Variants in ADK observed in about 807,000 individuals in gnomAD.
ADK encodes the protein N6,N6-dimethyladenosine kinase.
A neutral mutation model predicts 44.7 loss-of-function variants in ADK; 24 were observed. The ratio of observed to expected loss-of-function variants is 0.54; its 90% CI spans 0.39 to 0.76. The LOEUF is 0.76. ADK is among the 30% of genes least tolerant of loss of function. The pLI is 0.00. For missense variants in ADK, 321 were observed against 425.1 expected, an observed-to-expected ratio of 0.76 and a Z score of 2.15; for synonymous variants, 128 against 142.6, an observed-to-expected ratio of 0.90 and a Z score of 0.73.
At chr10:74,200,503 A>G (rs867781242) in intron 1 of ADK, among the ~76,000 whole-genome samples, 23 of 149,876 alleles carry the variant, frequency 1.5e-4, no homozygotes, top group African/African-American at 5.7e-4. Flanking sequence ...AAAAAAAAAA[A>G]TAGGTATTCT....
intron 1 of ADK, among the ~76,000 whole-genome samples, chr10:74,172,341 C>T (rs1214310783): frequency 6.6e-6 from 1 of 151,982 alleles, no homozygotes; most frequent in Non-Finnish European, 1.5e-5. Context: ...AAGTGGTCTT[C>T]CTGCCTTGGT....
chr10:74,440,872 G>T (rs999598825), intron 6 of ADK, among the ~76,000 whole-genome samples: 1 of 152,174 alleles, frequency 6.6e-6, no homozygotes, highest in Admixed American at 6.5e-5. Flanking sequence ...ATTCATTGAG[G>T]CTGCCTACTA....
At chr10:74,612,945 G>A (rs936826581) in intron 9 of ADK, among the ~76,000 whole-genome samples, 1 of 151,994 alleles carries the variant, frequency 6.6e-6, no homozygotes, top group Non-Finnish European at 1.5e-5. Context: ...GTAGGTTTGT[G>A]GGTTTACTTC....
intron 6 of ADK, among the ~76,000 whole-genome samples, chr10:74,521,553 G>A (rs546062458): frequency 6.6e-6 from 1 of 152,286 alleles, no homozygotes; most frequent in East Asian, 1.9e-4. Flanking sequence ...TTCTGTGGCT[G>A]GCTGTGGTTA....
At chr10:74,251,296 TA>T (rs1227734827) in intron 3 of ADK, among the ~76,000 whole-genome samples, 1 of 151,596 alleles carries the variant, frequency 6.6e-6, no homozygotes, top group African/African-American at 2.4e-5. Context: ...GGAGGAGGAG[TA>T]GGGGGAAGAG....
Position 74,652,046 on chromosome 10 carries a change from C to CTTTTT in ADK, c.878-18134_878-18133insTTTTT, listed in dbSNP as rs1401635840. ...GAAGGGATATGAAGGAACTTTCTTTCTTTCTTTTTTTTTTTTTTTGAGACA... is the reference window on the plus strand; with the variant it reads ...GAAGGGATATGAAGGAACTTTCTTTCTTTTTTTTCTTTTTTTTTTTTTTTGAGACA... On this transcript the variant is annotated intron_variant, in intron 9 of 10. Transcript: ENST00000539909. Among the ~76,000 whole-genome samples the CTTTTT allele has an allele frequency of 9.4e-5, 13 of 138,516 alleles. 1 individual carries two copies. Among genetic ancestry groups the CTTTTT allele is most frequent in the African/African-American group, 1.7e-4 (6 of 36,240 alleles). The allele number at this position is 138,516 out of a possible 152,430, so 90.9% of individuals were successfully genotyped here. A position where few individuals can be genotyped will look rare whatever the true frequency, so the allele number is the denominator to read the frequency against.
At chr10:74,330,789 G>A (rs949362883) in intron 4 of ADK, among the ~76,000 whole-genome samples, 5 of 152,098 alleles carry the variant, frequency 3.3e-5, no homozygotes, top group Middle Eastern at 6.3e-3. Context: ...GATTACTGGA[G>A]CCCTGCCTTA....
At chr10:74,386,944 T>TTG (rs1462317823) in intron 4 of ADK, among the ~76,000 whole-genome samples, 2 of 151,704 alleles carry the variant, frequency 1.3e-5, no homozygotes, top group Non-Finnish European at 2.9e-5. Context: ...TATTTCAGTT[T>TTG]TTTTTTTTTT....
chr10:74,436,069 C>T (rs1373041439), intron 6 of ADK, among the ~76,000 whole-genome samples: 1 of 152,150 alleles, frequency 6.6e-6, no homozygotes, highest in Non-Finnish European at 1.5e-5. Flanking sequence ...AAAGCAAATG[C>T]ATACAGCAAT....
At chr10:74,586,708 G>T (rs1851536365) in intron 7 of ADK, among the ~76,000 whole-genome samples, 2 of 152,066 alleles carry the variant, frequency 1.3e-5, no homozygotes, top group Admixed American at 1.3e-4. Flanking sequence ...TACAAAATTA[G>T]CTGGGCATGG....
Position 74,462,727 on chromosome 10 carries a change from G to A in ADK, c.556-62529G>A, listed in dbSNP as rs115723442. On this transcript the variant is annotated intron_variant, in intron 6 of 10. Coordinates refer to ENST00000539909, the MANE Select transcript of ADK (RefSeq NM_006721.4). ...GAATTATTCTTGTTAACTATCTAGC[G>A]TCCAATGTGACATGTGTTTGTTGTT... Among the ~76,000 whole-genome samples the A allele has an allele frequency of 7.5e-4, 114 of 152,218 alleles. 1 individual carries two copies. The highest frequency in any genetic ancestry group is 2.6e-3 in the African/African-American group (110 of 41,544).
At chr10:74,433,100 GAATCATCTGTTGATGACAAA>G (rs1268007509) in intron 6 of ADK, among the ~76,000 whole-genome samples, 1 of 152,116 alleles carries the variant, frequency 6.6e-6, no homozygotes, top group Non-Finnish European at 1.5e-5. Context: ...AACCAACATA[GAATCATCTGTTGATGACAAA>G]ATTACCAAAA....
At chr10:74,204,770 G>A (rs561271375) in intron 2 of ADK, among the ~76,000 whole-genome samples, 2 of 152,114 alleles carry the variant, frequency 1.3e-5, no homozygotes, top group East Asian at 1.9e-4. Flanking sequence ...CAGGCTGGGC[G>A]TGGTGGCTCA....
At chr10:74,279,577 TC>T (rs1199185098) in intron 3 of ADK, among the ~76,000 whole-genome samples, 2 of 135,904 alleles carry the variant, frequency 1.5e-5, no homozygotes, top group Admixed American at 7.5e-5. Context: ...AGACTTCATC[TC>T]AAAAAAAAAA....
At chr10:74,405,057 T>A (rs1843864797) in intron 6 of ADK, among the ~76,000 whole-genome samples, 1 of 152,222 alleles carries the variant, frequency 6.6e-6, no homozygotes, top group African/African-American at 2.4e-5. Flanking sequence ...ACTCTTTTTT[T>A]ATTTTGTTTC....
chr10:74,211,100 G>C (rs1461330234), intron 2 of ADK, among the ~76,000 whole-genome samples: 1 of 152,170 alleles, frequency 6.6e-6, no homozygotes, highest in Non-Finnish European at 1.5e-5. Context: ...GACCAGGCTG[G>C]TCTTTAACTC....
At chr10:74,702,288 A>G (rs1028685102) in intron 10 of ADK, among the ~76,000 whole-genome samples, 3 of 150,402 alleles carry the variant, frequency 2.0e-5, no homozygotes, top group Non-Finnish European at 3.0e-5. Context: ...GATTCAAGCG[A>G]TTCTCCTGCC....
At chr10:74,613,326 T>C (rs1281849496) in intron 9 of ADK, among the ~76,000 whole-genome samples, 1 of 152,052 alleles carries the variant, frequency 6.6e-6, no homozygotes, top group African/African-American at 2.4e-5. Flanking sequence ...GATTAGGTGA[T>C]TTAATAATGC....
chr10:74,580,542 T>C (rs1851338087), intron 7 of ADK, among the ~76,000 whole-genome samples: 2 of 151,042 alleles, frequency 1.3e-5, no homozygotes, highest in African/African-American at 4.9e-5. Context: ...GCCATTGCAC[T>C]TCAGCCTGGG....
Sources: gnomAD v4.1 joint callset for allele counts (sites outside exome capture counted in the v4.1 genomes callset) on GRCh38, gnomAD v4.1.1 for gene constraint, MANE v1.5 for transcripts, NCBI Gene and HGNC (gene_info 2026-07-23, HGNC 2026-07-21) for gene names.